The following MGAT4C variants were observed in gnomAD, a reference collection of about 807,000 sequenced individuals.
MGAT4C encodes alpha-1,3-mannosyl-glycoprotein 4-beta-N-acetylglucosaminyltransferase C.
MGAT4C carries 19 observed loss-of-function variants against 40.1 expected under a neutral mutation model. That is an observed-to-expected ratio of 0.47 (90% CI 0.33 to 0.70). The LOEUF (loss-of-function observed/expected upper bound fraction) is 0.70. Ranked by LOEUF, MGAT4C falls within the 30% of genes least tolerant of loss-of-function variation. The pLI, the probability that MGAT4C is intolerant of heterozygous loss-of-function variation, is 0.02. For synonymous variants in MGAT4C, 181 were observed against 187.1 expected, an observed-to-expected ratio of 0.97 and a Z score of 0.27; for missense variants, 491 against 563.2, an observed-to-expected ratio of 0.87 and a Z score of 1.30.
chr12:86,267,302 G>T (rs1952813227), intron 4 of MGAT4C, among the ~76,000 whole-genome samples: 1 of 152,048 alleles, frequency 6.6e-6, no homozygotes, highest in Admixed American at 6.6e-5. Context: ...TTTCCATGCT[G>T]AGGGAATTCA....
At chr12:86,624,525 T>A (rs140780899) in intron 2 of MGAT4C, among the ~76,000 whole-genome samples, 2 of 152,158 alleles carry the variant, frequency 1.3e-5, no homozygotes, top group African/African-American at 4.8e-5. Flanking sequence ...CCTAATGAAG[T>A]GGAAACGTCA....
intron 3 of MGAT4C, among the ~76,000 whole-genome samples, chr12:86,397,999 A>T (rs1484919093): frequency 6.6e-6 from 1 of 152,190 alleles, no homozygotes; most frequent in East Asian, 1.9e-4. Flanking sequence ...AGTTTTTAGC[A>T]TCAGAATATT....
chr12:86,614,424 G>A (rs1361590600), intron 2 of MGAT4C, among the ~76,000 whole-genome samples: 1 of 152,032 alleles, frequency 6.6e-6, no homozygotes, highest in Non-Finnish European at 1.5e-5. Context: ...TAATTAAAGG[G>A]ATTATGGATA....
At chr12:85,994,488 A>G (rs951673055) in intron 2 of MGAT4C, among the ~76,000 whole-genome samples, 1 of 152,212 alleles carries the variant, frequency 6.6e-6, no homozygotes, top group African/African-American at 2.4e-5. Context: ...GTCATTTATT[A>G]AACAAACTAT....
intron 1 of MGAT4C, among the ~76,000 whole-genome samples, chr12:86,063,475 A>G (rs1361628957): frequency 3.3e-5 from 5 of 152,204 alleles, no homozygotes; most frequent in Admixed American, 3.3e-4. Context: ...ATTAATGGGG[A>G]AAATAACCAG....
At chr12:86,808,766 G>A (rs1391046695) in intron 1 of MGAT4C, among the ~76,000 whole-genome samples, 1 of 152,002 alleles carries the variant, frequency 6.6e-6, no homozygotes, top group African/African-American at 2.4e-5. Context: ...AGCATTGGAA[G>A]TTTTGTCCAG....
At chr12:86,022,377 C>T (rs1455248374) in intron 2 of MGAT4C, 9 of 152,164 alleles carry the variant, frequency 5.9e-5, no homozygotes, top group Admixed American at 5.9e-4. Flanking sequence ...CTACTATGCA[C>T]ATGGCATTGT....
chr12:86,658,192 A>T (rs1963895214), intron 2 of MGAT4C, among the ~76,000 whole-genome samples: 1 of 152,054 alleles, frequency 6.6e-6, no homozygotes, highest in African/African-American at 2.4e-5. Flanking sequence ...ATCAAATATA[A>T]CTTGGACCAA....
chr12:86,365,057 C>G (rs1955561853), intron 3 of MGAT4C, among the ~76,000 whole-genome samples: 2 of 152,092 alleles, frequency 1.3e-5, no homozygotes, highest in Non-Finnish European at 2.9e-5. Context: ...CTACGGGAGA[C>G]TGGGGCTTAT....
intron 3 of MGAT4C, among the ~76,000 whole-genome samples, chr12:86,393,544 G>A (rs990498269): frequency 1.2e-4 from 18 of 152,120 alleles, no homozygotes; most frequent in Non-Finnish European, 2.1e-4. Context: ...TTTAAAGAGT[G>A]AATATATAAG....
intron 4 of MGAT4C, among the ~76,000 whole-genome samples, chr12:86,284,215 CACAA>C (rs1953289444): frequency 6.6e-6 from 1 of 151,876 alleles, no homozygotes; most frequent in Non-Finnish European, 1.5e-5. Context: ...ATATTGAATA[CACAA>C]ACAGACTTAA....
At chr12:86,004,339 T>G (rs1429999939) in intron 2 of MGAT4C, among the ~76,000 whole-genome samples, 1 of 152,166 alleles carries the variant, frequency 6.6e-6, no homozygotes, top group Non-Finnish European at 1.5e-5. Context: ...TCTCTTAGTT[T>G]AATGTCATCA....
intron 2 of MGAT4C, among the ~76,000 whole-genome samples, chr12:85,992,576 G>A (rs1886082578): frequency 1.3e-5 from 2 of 152,294 alleles, no homozygotes; most frequent in African/African-American, 4.8e-5. Context: ...AGATATTACT[G>A]GGAAGAATGT....
intron 2 of MGAT4C, among the ~76,000 whole-genome samples, chr12:86,624,943 G>A (rs773094112): frequency 3.9e-5 from 6 of 151,910 alleles, no homozygotes; most frequent in Non-Finnish European, 7.4e-5. Context: ...ATCTCAAATT[G>A]TAATCCTGAT....
chr12:86,158,332 C>G (rs1885208076), intron 1 of MGAT4C, among the ~76,000 whole-genome samples: 1 of 151,930 alleles, frequency 6.6e-6, no homozygotes, highest in Non-Finnish European at 1.5e-5. Flanking sequence ...CCATTTTTTA[C>G]CTTTTAGAGA....
intron 2 of MGAT4C, among the ~76,000 whole-genome samples, chr12:86,698,077 T>C (rs1022907812): frequency 3.3e-5 from 5 of 151,058 alleles, no homozygotes; most frequent in Non-Finnish European, 5.9e-5. Context: ...TAAACCTGTG[T>C]ATTTGTTATA....
intron 2 of MGAT4C, among the ~76,000 whole-genome samples, chr12:86,622,251 A>C (rs1480743034): frequency 6.6e-6 from 1 of 152,170 alleles, no homozygotes; most frequent in Non-Finnish European, 1.5e-5. Context: ...TTAAGAGATC[A>C]ATGCAGGAAT....
intron 1 of MGAT4C, among the ~76,000 whole-genome samples, chr12:86,739,608 AAT>A (rs1008996952): frequency 6.6e-6 from 1 of 151,046 alleles, no homozygotes; most frequent in African/African-American, 2.4e-5. Flanking sequence ...AATACAGAAT[AAT>A]AACAATTTAC....
At chr12:86,834,171 GATA>G (rs1952989034) in intron 1 of MGAT4C, among the ~76,000 whole-genome samples, 6 of 147,312 alleles carry the variant, frequency 4.1e-5, no homozygotes, top group African/African-American at 1.5e-4. Context: ...GATAGAGATA[GATA>G]GATATAGATA....
Sources: gnomAD v4.1 joint callset for allele counts (sites outside exome capture counted in the v4.1 genomes callset) on GRCh38, gnomAD v4.1.1 for gene constraint, MANE v1.5 for transcripts, NCBI Gene and HGNC (gene_info 2026-07-23, HGNC 2026-07-21) for gene names.